Variants in CARM1 observed in about 807,000 individuals in gnomAD.
CARM1 encodes histone-arginine methyltransferase CARM1.
A neutral mutation model predicts 72.7 loss-of-function variants in CARM1; 14 were observed. The observed-to-expected ratio is 0.19, with a 90% CI of 0.13 to 0.30. CARM1 has a LOEUF of 0.30. CARM1 is among the 10% of genes least tolerant of loss of function. CARM1 has a pLI of 1.00. For synonymous variants in CARM1, 333 were observed against 345.5 expected (o/e 0.96, Z 0.40); for missense variants, 432 against 833.7 (o/e 0.52, Z 5.93).
chr19:10,909,216 C>T lies in CARM1; in HGVS notation c.558+9C>T. On this transcript the variant is annotated intron_variant, in intron 4 of 15. Transcript: ENST00000327064. ...CCGACTTCAAGGACAAGGTGAGTGG[C>T]CCGCGCATGTGCCCACCTCTCTGCT... 1 of 1,571,206 alleles carries T rather than the reference C, an allele frequency of 6.4e-7. No homozygotes were observed. The highest frequency in any genetic ancestry group is 1.1e-5 in the South Asian group (1 of 90,206).
chr19:10,881,048 C>T (rs1000077821), intron 1 of CARM1, among the ~76,000 whole-genome samples: 2 of 152,122 alleles, frequency 1.3e-5, no homozygotes, highest in Admixed American at 1.3e-4. Flanking sequence ...TGCCTCTAGT[C>T]CCAGCTATTC....
At chr19:10,910,063 A>T (rs1371970207) in intron 4 of CARM1, among the ~76,000 whole-genome samples, 2 of 152,214 alleles carry the variant, frequency 1.3e-5, no homozygotes, top group Non-Finnish European at 2.9e-5. Flanking sequence ...ACTGCTCTCC[A>T]GGCTGAGCCA....
intron 8 of CARM1, among the ~76,000 whole-genome samples, chr19:10,918,356 G>A (rs1463812423): frequency 6.6e-6 from 1 of 152,124 alleles, no homozygotes; most frequent in Non-Finnish European, 1.5e-5. Flanking sequence ...TTCCCAAGTA[G>A]CTGGAACTAT....
intron 1 of CARM1, among the ~76,000 whole-genome samples, chr19:10,890,539 A>T (rs1224150955): frequency 6.6e-6 from 1 of 151,228 alleles, no homozygotes; most frequent in Non-Finnish European, 1.5e-5. Flanking sequence ...AAGTGCTGGG[A>T]TTACAGGTGT....
In CARM1 at chr19:10,919,600, A is replaced by G; in HGVS notation, c.1026A>G (p.Thr342=). ...DEYFRQPVVD[T]FDIRILMAKS... The stretch of plus-strand genomic sequence containing the variant: ...ACACCTGTGGTCTCTCCCAGGACAC[A>G]TTTGACATCCGGATCCTGATGGCCA... Residue 342 remains threonine (T), a synonymous_variant, in exon 9 of 16, where the codon ACA becomes ACG. Coordinates refer to ENST00000327064, the MANE Select transcript of CARM1 (RefSeq NM_199141.2). 5 of 1,613,382 alleles carry G rather than the reference A, an allele frequency of 3.1e-6. No homozygotes were observed. The highest frequency in any genetic ancestry group is 4.2e-6 in the Non-Finnish European group (5 of 1,179,296).
rs542753991 is a variant in CARM1, at chr19:10,910,148, AAG to A, written c.558+951_558+952del. On this transcript the variant is annotated intron_variant, in intron 4 of 15. Coordinates refer to ENST00000327064, the MANE Select transcript of CARM1 (RefSeq NM_199141.2). ...ACCAAATAATGTGCACTCATGATTA[AAG>A]AGAGAGAGAACAGAGCAGAACGTCT... is the stretch of plus-strand genomic sequence containing the variant. Among the ~76,000 whole-genome samples, 441 of 152,244 alleles carry A rather than the reference AAG, an allele frequency of 2.9e-3. 3 individuals carry two copies. The highest frequency in any genetic ancestry group is 0.01 in the African/African-American group (430 of 41,564).
At position 10,915,743 on chromosome 19, in the gene CARM1, G is replaced by C. The variant is rs529831251; in HGVS notation, c.848-664G>C. On this transcript the variant is annotated intron_variant, in intron 6 of 15. Transcript: ENST00000327064. The surrounding 1 kb of genome is among the most constrained non-coding windows in gnomAD (Gnocchi z 4.6). ...ATCTGGAGGCCAGGTGCTCCTTGGG[G>C]CAGGCGGGGCTGCGGGGCCCTGATC... 1.2e-3 allele frequency among the ~76,000 whole-genome samples: 190 copies of C among 152,270 alleles called. 5 individuals are homozygous for C. The highest frequency in any genetic ancestry group is 0.012 in the Admixed American group (177 of 15,294).
chr19:10,872,521 G>T (rs540766674), intron 1 of CARM1, among the ~76,000 whole-genome samples: 12 of 152,292 alleles, frequency 7.9e-5, no homozygotes, highest in African/African-American at 2.2e-4. Flanking sequence ...TGCGGGGACG[G>T]TGGGAGCCGC....
intron 4 of CARM1, among the ~76,000 whole-genome samples, chr19:10,911,939 C>T (rs1437034353): frequency 2.0e-5 from 3 of 152,234 alleles, no homozygotes; most frequent in Non-Finnish European, 2.9e-5. Context: ...TCACCCCAGA[C>T]GATCCGGAGG....
chr19:10,892,775 C>T (rs1233854284), intron 1 of CARM1, among the ~76,000 whole-genome samples: 2 of 152,196 alleles, frequency 1.3e-5, no homozygotes, highest in Non-Finnish European at 2.9e-5. Context: ...TCTTGTTGCC[C>T]AGGCTGGAGT....
intron 1 of CARM1, among the ~76,000 whole-genome samples, chr19:10,899,339 C>G (rs1185178441): frequency 6.6e-6 from 1 of 152,226 alleles, no homozygotes; most frequent in Admixed American, 6.5e-5. Flanking sequence ...GGTAAACAGG[C>G]CTCCCTGGGC....
intron 1 of CARM1, among the ~76,000 whole-genome samples, chr19:10,876,032 T>C (rs939881849): frequency 6.6e-6 from 1 of 151,908 alleles, no homozygotes; most frequent in African/African-American, 2.4e-5. Flanking sequence ...TGTGCCACCA[T>C]GCCCGGTTAA....
chr19:10,887,773 GGAC>G (rs2073952321), intron 1 of CARM1, among the ~76,000 whole-genome samples: 1 of 152,138 alleles, frequency 6.6e-6, no homozygotes, highest in Non-Finnish European at 1.5e-5. Flanking sequence ...CACTAGGCAG[GGAC>G]TTCAAGTGGG....
At chr19:10,887,919 G>A (rs116363591) in intron 1 of CARM1, among the ~76,000 whole-genome samples, 21 of 152,302 alleles carry the variant, frequency 1.4e-4, no homozygotes, top group African/African-American at 5.1e-4. Flanking sequence ...CAGCCTGAAG[G>A]CAGGCCCCAG....
At chr19:10,874,948 A>G (rs887307359) in intron 1 of CARM1, among the ~76,000 whole-genome samples, 4 of 151,852 alleles carry the variant, frequency 2.6e-5, no homozygotes, top group African/African-American at 7.3e-5. Context: ...CGCTTGAACC[A>G]GGGAAGCAGA....
chr19:10,894,630 G>A (rs990143946), intron 1 of CARM1, among the ~76,000 whole-genome samples: 1 of 151,354 alleles, frequency 6.6e-6, no homozygotes, highest in Non-Finnish European at 1.5e-5. Flanking sequence ...CTACAGTTGT[G>A]TTCCCCCTGG....
chr19:10,878,963 C>T (rs1247692986), intron 1 of CARM1, among the ~76,000 whole-genome samples: 2 of 152,126 alleles, frequency 1.3e-5, no homozygotes, highest in African/African-American at 2.4e-5. Flanking sequence ...TGTGCCACCA[C>T]GGCTGGCTAA....
chr19:10,890,795 ATTT>A (rs67421012), intron 1 of CARM1, among the ~76,000 whole-genome samples: 172 of 47,418 alleles, frequency 3.6e-3, no homozygotes, highest in African/African-American at 0.011. Flanking sequence ...ATATATATAT[ATTT>A]TTTTTTTTTT....
intron 1 of CARM1, among the ~76,000 whole-genome samples, chr19:10,893,866 C>T (rs1037681632): frequency 6.6e-6 from 1 of 152,220 alleles, no homozygotes; most frequent in Non-Finnish European, 1.5e-5. Flanking sequence ...AAGGCCAGGG[C>T]TGGAGAACAG....
Sources: gnomAD v4.1 joint callset for allele counts (sites outside exome capture counted in the v4.1 genomes callset) on GRCh38, gnomAD v4.1.1 for gene constraint, Gnocchi (gnomAD v3.1) non-coding constraint, MANE v1.5 for transcripts, NCBI Gene and HGNC (gene_info 2026-07-23, HGNC 2026-07-21) for gene names.